Variants in RASGRF1 observed in about 807,000 individuals in gnomAD.
RASGRF1 encodes Ras protein specific guanine nucleotide releasing factor 1.
RASGRF1 carries 40 observed loss-of-function variants against 138.7 expected under a neutral mutation model. The ratio of observed to expected loss-of-function variants is 0.29; its 90% CI spans 0.22 to 0.38. RASGRF1 has a LOEUF of 0.38. Ranked by LOEUF, RASGRF1 falls within the 10% of genes least tolerant of loss-of-function variation. RASGRF1 has a pLI of 1.00. For missense variants in RASGRF1, 1,108 were observed against 1,650.4 expected, an observed-to-expected ratio of 0.67 and a Z score of 5.69; for synonymous variants, 614 against 663.2, an observed-to-expected ratio of 0.93 and a Z score of 1.14.
chr15:78,999,363 G>A (rs1374483312), intron 17 of RASGRF1, among the ~76,000 whole-genome samples: 1 of 152,200 alleles, frequency 6.6e-6, no homozygotes, highest in African/African-American at 2.4e-5. Context: ...TCAGCTGGCA[G>A]CTGGAAGAGG....
At chr15:78,978,986 TG>T in intron 24 of RASGRF1, 2 of 1,290,896 alleles carry the variant, frequency 1.5e-6, no homozygotes, top group South Asian at 1.2e-5. Context: ...TCAGACAGAA[TG>T]GGGGGCCCCA....
chr15:78,985,434 A>G (rs1595870833), intron 22 of RASGRF1: 2 of 454,648 alleles, frequency 4.4e-6, no homozygotes, highest in East Asian at 3.7e-5. Flanking sequence ...CAACAAAAAT[A>G]CAACCTTCCA....
At chr15:79,024,470 A>G (rs1331190308) in intron 10 of RASGRF1, among the ~76,000 whole-genome samples, 2 of 152,020 alleles carry the variant, frequency 1.3e-5, no homozygotes, top group Non-Finnish European at 2.9e-5. Context: ...ATACACATAC[A>G]TACATACTGA....
chr15:79,035,345 C>G (rs1567555160), intron 5 of RASGRF1, 135 bp from the exon 6 acceptor site: 5 of 637,758 alleles, frequency 7.8e-6, no homozygotes, highest in South Asian at 2.1e-5. Context: ...AAAACTGCAC[C>G]GGCAGGATGG....
At chr15:79,081,889 T>TTGTTA (rs2057918714) in intron 1 of RASGRF1, among the ~76,000 whole-genome samples, 2 of 152,160 alleles carry the variant, frequency 1.3e-5, no homozygotes, top group South Asian at 4.1e-4. Flanking sequence ...ATCCTCTCCC[T>TTGTTA]TGTTAATTCC....
intron 1 of RASGRF1, among the ~76,000 whole-genome samples, chr15:79,065,281 G>T (rs968570337): frequency 6.6e-6 from 1 of 152,124 alleles, no homozygotes; most frequent in African/African-American, 2.4e-5. Flanking sequence ...AGATCAGGAG[G>T]GCTTCCCAGA....
In RASGRF1 at chr15:79,090,298, C is replaced by A; in HGVS notation, c.201G>T (p.Leu67=). 1 of 1,613,458 alleles carries A rather than the reference C, an allele frequency of 6.2e-7. No individual in the cohort carries two copies. The highest frequency in any genetic ancestry group is 8.5e-7 in the Non-Finnish European group (1 of 1,179,914). ...CGCGGTCGCAGACGCAGCCCTCCAG[C>A]AGGTAAAGCCCCGAGGGCCGCGAGC... ...DSSSRPSGLY[L]LEGCVCDRAP... is the part of the protein sequence containing the mutation. The change falls in exon 1 of 27, where the codon CTG becomes CTT. Residue 67 remains leucine (L), a synonymous_variant. Coordinates refer to ENST00000558480, the MANE Select transcript of RASGRF1 (RefSeq NM_001145648.3).
At chr15:79,009,811 G>A (rs1445095257) in intron 13 of RASGRF1, among the ~76,000 whole-genome samples, 3 of 150,650 alleles carry the variant, frequency 2.0e-5, no homozygotes, top group South Asian at 2.1e-4. Context: ...TGCAACCTCC[G>A]CCTCCCGGGT....
At chr15:79,056,120 C>T (rs4778857) in intron 3 of RASGRF1, among the ~76,000 whole-genome samples, 13,069 of 152,060 alleles carry the variant, frequency 0.086, 740 homozygotes, top group Non-Finnish European at 0.13. Flanking sequence ...AGGTAGGATG[C>T]GTGGGGATGA....
chr15:79,001,050 G>T (rs1014450263), intron 16 of RASGRF1, among the ~76,000 whole-genome samples: 1 of 152,208 alleles, frequency 6.6e-6, no homozygotes, highest in African/African-American at 2.4e-5. Flanking sequence ...AGGGGAAAGG[G>T]CTTTATGAAA....
At chr15:79,075,126 G>C (rs886602766) in intron 1 of RASGRF1, among the ~76,000 whole-genome samples, 2 of 152,194 alleles carry the variant, frequency 1.3e-5, no homozygotes, top group Admixed American at 6.5e-5. Context: ...GCATCCCCGG[G>C]TGATTCCAAT....
intron 1 of RASGRF1, among the ~76,000 whole-genome samples, chr15:79,088,921 C>T (rs1420100657): frequency 1.3e-5 from 2 of 152,252 alleles, no homozygotes; most frequent in African/African-American, 4.8e-5. Flanking sequence ...TTCCTGTCCA[C>T]ACTTCCCAGT....
intron 13 of RASGRF1, among the ~76,000 whole-genome samples, chr15:79,012,007 C>T (rs554983924): frequency 1.2e-4 from 18 of 151,756 alleles, no homozygotes; most frequent in Admixed American, 1.1e-3. Flanking sequence ...CAGAGCGAGA[C>T]CCTGTCTCAA....
chr15:79,088,303 C>T (rs1242056498), intron 1 of RASGRF1, among the ~76,000 whole-genome samples: 2 of 152,286 alleles, frequency 1.3e-5, no homozygotes, highest in South Asian at 2.1e-4. Context: ...GGGTATAATT[C>T]AGATTCAACT....
At chr15:78,975,980 T>C (rs889044515) in intron 24 of RASGRF1, among the ~76,000 whole-genome samples, 2 of 152,110 alleles carry the variant, frequency 1.3e-5, no homozygotes. Context: ...TCACCCTGCA[T>C]GTGTGACAGT....
chr15:79,019,460 G>A (rs1024612954), intron 11 of RASGRF1, among the ~76,000 whole-genome samples: 2 of 151,996 alleles, frequency 1.3e-5, no homozygotes, highest in African/African-American at 4.8e-5. Flanking sequence ...CATTTGAGTT[G>A]TTCAGCCCCT....
Position 79,017,819 on chromosome 15 carries a change from A to G in RASGRF1, c.1694T>C (p.Val565Ala), listed in dbSNP as rs2056901624. Residue 565 changes from valine (V) to alanine (A), a missense_variant, in exon 12 of 27, where the codon GTG (valine) becomes GCG (alanine). By Grantham distance (64) the Val-to-Ala change is moderately conservative. Coordinates refer to ENST00000558480, the MANE Select transcript of RASGRF1 (RefSeq NM_001145648.3). ...KDSPPFTVIL[V>A]ASSRQEKAAW... ...TGCCTTCTCCTGTCTGGACGAGGCC[A>G]CTAGGATGACTGTAAAGGGCGGGGA... The G allele has an allele frequency of 1.9e-6, 3 of 1,612,800 alleles. No homozygotes were observed. The highest frequency in any genetic ancestry group is 4.5e-5 in the East Asian group (2 of 44,802).
At chr15:78,979,278 G>C in intron 24 of RASGRF1, 2 of 1,054,996 alleles carry the variant, frequency 1.9e-6, no homozygotes, top group South Asian at 3.4e-5. Flanking sequence ...GACCAAATGC[G>C]GCAGGAAGAA....
chr15:78,970,620 T>TA (rs2055735479), intron 26 of RASGRF1, among the ~76,000 whole-genome samples: 1 of 36,826 alleles, frequency 2.7e-5, no homozygotes, highest in African/African-American at 1.3e-4. Context: ...AGACTCTGTC[T>TA]CAAAAAAAAA....
Sources: gnomAD v4.1 joint callset for allele counts (sites outside exome capture counted in the v4.1 genomes callset) on GRCh38, gnomAD v4.1.1 for gene constraint, MANE v1.5 for transcripts, NCBI Gene and HGNC (gene_info 2026-07-23, HGNC 2026-07-21) for gene names.